THSD7B: variants seen among roughly 807,000 people sequenced by gnomAD.
THSD7B encodes thrombospondin type 1 domain containing 7B, also known as thrombospondin type-1 domain-containing protein 7B.
A neutral mutation model predicts 213.6 loss-of-function variants in THSD7B; 138 were observed. The observed-to-expected ratio is 0.65, with a 90% CI of 0.56 to 0.74. The LOEUF (loss-of-function observed/expected upper bound fraction) is 0.74. Among genes scored for constraint, THSD7B ranks in the 30% least tolerant of loss-of-function variants. The pLI is 0.00. For synonymous variants in THSD7B, 742 were observed against 687.0 expected, an observed-to-expected ratio of 1.08 and a Z score of -1.25; for missense variants, 1,931 against 1,991.5, an observed-to-expected ratio of 0.97 and a Z score of 0.58.
chr2:137,319,664 C>T (rs1338403275), intron 12 of THSD7B, among the ~76,000 whole-genome samples: 3 of 152,144 alleles, frequency 2.0e-5, no homozygotes, highest in African/African-American at 4.8e-5. Flanking sequence ...CTTATCAGTT[C>T]AGATTTTTCA....
intron 1 of THSD7B, among the ~76,000 whole-genome samples, chr2:136,801,361 T>C (rs1682174805): frequency 6.6e-6 from 1 of 152,068 alleles, no homozygotes; most frequent in South Asian, 2.1e-4. Context: ...CCTTCTGGAA[T>C]AGACCTCCAA....
Position 137,559,031 on chromosome 2 carries a change from A to G in THSD7B, c.3139-4190A>G, listed in dbSNP as rs567174623. Reference sequence around the variant, plus strand: ...AGGGATGTGAAGGACCTCTTCAAGGAGAACTACAAACCACTGCTCAATGAA... The same window carrying G: ...AGGGATGTGAAGGACCTCTTCAAGGGGAACTACAAACCACTGCTCAATGAA... On this transcript the variant is annotated intron_variant, in intron 15 of 27. Coordinates refer to ENST00000409968, the MANE Select transcript of THSD7B (RefSeq NM_001316349.2). 7.5e-3 allele frequency among the ~76,000 whole-genome samples: 1,146 copies of G among 152,336 alleles called. 13 individuals are homozygous for G. Among genetic ancestry groups the G allele is most frequent in the South Asian group, 0.028 (137 of 4,824 alleles).
Position 137,333,238 on chromosome 2 carries a change from A to G in THSD7B, c.2500+57212A>G, listed in dbSNP as rs565494235. ...TCCGATACATCTACCTCCTGGGAGG[A>G]CGCAAATTGTCTTCATCTACACCAC... is the stretch of plus-strand genomic sequence containing the variant. On this transcript the variant is annotated intron_variant, in intron 12 of 27. Transcript: ENST00000409968. Among the ~76,000 whole-genome samples the G allele has an allele frequency of 2.0e-5, 3 of 152,164 alleles. No individual in the cohort carries two copies. The South Asian group carries it at 6.2e-4, about 32-fold the overall frequency.
At chr2:137,401,519 A>G (rs1025811174) in intron 12 of THSD7B, among the ~76,000 whole-genome samples, 21 of 152,116 alleles carry the variant, frequency 1.4e-4, no homozygotes, top group African/African-American at 4.6e-4. Flanking sequence ...ATTTCCAGTG[A>G]TCTTTTCACA....
chr2:136,936,708 T>C (rs1286537380), intron 2 of THSD7B, among the ~76,000 whole-genome samples: 1 of 152,064 alleles, frequency 6.6e-6, no homozygotes, highest in Non-Finnish European at 1.5e-5. Context: ...AGACTACAAG[T>C]AGGGTACAGT....
chr2:137,239,138 C>CT (rs1044212627), intron 9 of THSD7B, among the ~76,000 whole-genome samples: 82 of 151,410 alleles, frequency 5.4e-4, no homozygotes, highest in African/African-American at 1.5e-3. Flanking sequence ...AACACAACCA[C>CT]TTTTTTTTTG....
chr2:137,231,656 A>G (rs1324421966), intron 8 of THSD7B, among the ~76,000 whole-genome samples: 1 of 152,208 alleles, frequency 6.6e-6, no homozygotes, highest in Non-Finnish European at 1.5e-5. Context: ...AACTGCCACT[A>G]ACATCTGCAA....
intron 2 of THSD7B, among the ~76,000 whole-genome samples, chr2:137,048,212 A>G (rs1573788442): frequency 6.6e-6 from 1 of 152,146 alleles, no homozygotes; most frequent in African/African-American, 2.4e-5. Flanking sequence ...AAGTTTTATA[A>G]TGCATTTTGA....
intron 2 of THSD7B, among the ~76,000 whole-genome samples, chr2:136,952,983 C>A (rs1167960058): frequency 6.6e-6 from 1 of 152,008 alleles, no homozygotes; most frequent in Non-Finnish European, 1.5e-5. Flanking sequence ...TAACTTCACT[C>A]AAGTGACATA....
At chr2:137,475,511 A>T (rs141543064) in intron 15 of THSD7B, among the ~76,000 whole-genome samples, 78 of 152,266 alleles carry the variant, frequency 5.1e-4, no homozygotes, top group African/African-American at 1.7e-3. Context: ...AGCCTCTGGT[A>T]ATGACCAATC....
chr2:137,008,352 A>G, intron 2 of THSD7B, among the ~76,000 whole-genome samples: 1 of 152,266 alleles, frequency 6.6e-6, no homozygotes, highest in African/African-American at 2.4e-5. Context: ...AAATTAAATA[A>G]AAATAAGAAG....
At chr2:137,597,331 A>G (rs1189293758) in intron 17 of THSD7B, among the ~76,000 whole-genome samples, 1 of 152,000 alleles carries the variant, frequency 6.6e-6, no homozygotes, top group Non-Finnish European at 1.5e-5. Context: ...CTCAGGCCAG[A>G]TGTCCTGATC....
At chr2:137,240,495 C>T (rs1681875840) in intron 9 of THSD7B, among the ~76,000 whole-genome samples, 1 of 151,762 alleles carries the variant, frequency 6.6e-6, no homozygotes, top group Non-Finnish European at 1.5e-5. Context: ...CCTTCTTTTT[C>T]TCTCACTCTC....
At chr2:137,082,526 C>G (rs111313119) in intron 3 of THSD7B, among the ~76,000 whole-genome samples, 1 of 152,010 alleles carries the variant, frequency 6.6e-6, no homozygotes, top group Admixed American at 6.6e-5. Context: ...AACAAGAGCT[C>G]TCAAATATTT....
At chr2:137,239,320 G>GTC (rs928469101) in intron 9 of THSD7B, among the ~76,000 whole-genome samples, 1 of 151,602 alleles carries the variant, frequency 6.6e-6, no homozygotes, top group African/African-American at 2.4e-5. Flanking sequence ...TTTTTTTTCT[G>GTC]TCTCTCTCTG....
chr2:137,410,604 G>A (rs971971958), intron 13 of THSD7B, among the ~76,000 whole-genome samples: 4 of 152,038 alleles, frequency 2.6e-5, no homozygotes, highest in African/African-American at 9.7e-5. Context: ...TAAGCATCAT[G>A]GCAGACCATA....
intron 17 of THSD7B, among the ~76,000 whole-genome samples, chr2:137,598,859 T>C (rs1207149740): frequency 6.9e-6 from 1 of 145,816 alleles, no homozygotes; most frequent in East Asian, 1.9e-4. Context: ...TTTTTTTCTT[T>C]TATGTTTCAT....
intron 1 of THSD7B, among the ~76,000 whole-genome samples, chr2:136,861,320 G>A (rs539361183): frequency 4.1e-4 from 62 of 152,248 alleles, no homozygotes; most frequent in African/African-American, 1.4e-3. Context: ...TTTAAAATCT[G>A]GTTTCTCTTT....
chr2:136,830,411 C>CTGTGAA (rs147031706), intron 1 of THSD7B, among the ~76,000 whole-genome samples: 1 of 152,026 alleles, frequency 6.6e-6, no homozygotes, highest in Non-Finnish European at 1.5e-5. Flanking sequence ...CCCAGTGATC[C>CTGTGAA]TATGTTTTTC....
Sources: allele counts gnomAD v4.1 joint callset (sites outside exome capture counted in the v4.1 genomes callset), GRCh38; gene constraint gnomAD v4.1.1; transcripts MANE v1.5; gene names NCBI Gene and HGNC (gene_info 2026-07-23, HGNC 2026-07-21).